Variants in MED13L observed in about 807,000 individuals in gnomAD.
The protein encoded by MED13L is mediator complex subunit 13L.
MED13L carries 7 observed loss-of-function variants against 220.9 expected under a neutral mutation model. That is an observed-to-expected ratio of 0.03 (90% CI 0.02 to 0.06). MED13L has a LOEUF of 0.06. MED13L is among the 10% of genes least tolerant of loss of function. MED13L has a pLI of 1.00. For synonymous variants in MED13L, 1,011 were observed against 1,015.2 expected, an observed-to-expected ratio of 1.00 and a Z score of 0.08; for missense variants, 1,965 against 2,760.5, an observed-to-expected ratio of 0.71 and a Z score of 6.46.
intron 4 of MED13L, among the ~76,000 whole-genome samples, chr12:116,076,149 G>A (rs997005372): frequency 9.2e-5 from 14 of 151,994 alleles, no homozygotes; most frequent in African/African-American, 3.1e-4. Flanking sequence ...TCCTGACCTC[G>A]TGATCCGCCC....
chr12:116,139,709 G>C (rs1876888541), intron 2 of MED13L, among the ~76,000 whole-genome samples: 1 of 151,998 alleles, frequency 6.6e-6, no homozygotes, highest in South Asian at 2.1e-4. Context: ...ATATTTGCTG[G>C]ATAGGCCGCG....
chr12:116,132,414 A>T (rs2138009286), intron 2 of MED13L, among the ~76,000 whole-genome samples: 1 of 152,172 alleles, frequency 6.6e-6, no homozygotes, highest in Admixed American at 6.5e-5. Context: ...CAGCAACTCT[A>T]CTGTAATACC....
chr12:116,040,982 C>A (rs1881491103), intron 4 of MED13L, among the ~76,000 whole-genome samples: 1 of 152,098 alleles, frequency 6.6e-6, no homozygotes, highest in Non-Finnish European at 1.5e-5. Context: ...CCCATTTCCC[C>A]TAAAAACTAT....
chr12:116,001,108 C>A (rs1300590470), intron 14 of MED13L, among the ~76,000 whole-genome samples: 1 of 151,952 alleles, frequency 6.6e-6, no homozygotes, highest in African/African-American at 2.4e-5. Context: ...TTTTAAATAG[C>A]CACTAGAAAA....
chr12:116,181,311 C>A (rs1021629357), intron 2 of MED13L: 3 of 151,742 alleles, frequency 2.0e-5, no homozygotes, highest in Non-Finnish European at 2.9e-5. Flanking sequence ...AAAAAGTCGG[C>A]AATCCAAGTT....
intron 4 of MED13L, among the ~76,000 whole-genome samples, chr12:116,034,936 C>T (rs745308262): frequency 3.3e-5 from 5 of 152,068 alleles, no homozygotes; most frequent in Admixed American, 6.6e-5. Flanking sequence ...ACCTGGGAGG[C>T]GGAGGTTGCA....
chr12:116,069,538 C>G (rs903613528), intron 4 of MED13L, among the ~76,000 whole-genome samples: 1 of 152,112 alleles, frequency 6.6e-6, no homozygotes, highest in African/African-American at 2.4e-5. Context: ...TTGGTACTGA[C>G]TTTTTAGCTA....
chr12:116,165,943 A>C (rs563507786), intron 2 of MED13L, among the ~76,000 whole-genome samples: 1 of 152,156 alleles, frequency 6.6e-6, no homozygotes, highest in Non-Finnish European at 1.5e-5. Context: ...CGTTCCTGGA[A>C]TACAACATGC....
At chr12:116,010,418 G>C (rs1248971445) in intron 9 of MED13L, among the ~76,000 whole-genome samples, 1 of 152,100 alleles carries the variant, frequency 6.6e-6, no homozygotes, top group African/African-American at 2.4e-5. Context: ...CTAGTTCTTT[G>C]AGAGACACTT....
At chr12:116,253,657 A>G (rs1871767634) in intron 1 of MED13L, among the ~76,000 whole-genome samples, 1 of 151,920 alleles carries the variant, frequency 6.6e-6, no homozygotes. Context: ...CCATCAGTAT[A>G]ATTCACCATA....
rs966579813 is a variant in MED13L at position 115,961,416 on chromosome 12, C to A, written c.6501-18G>T. ...AAACAAACCTGCCAAAGAGAACACA[C>A]AGAGCAGGGGCGTGAGCCTCAAGAG... On this transcript the variant is annotated intron_variant, in intron 30 of 30. Coordinates refer to ENST00000281928, the MANE Select transcript of MED13L (RefSeq NM_015335.5). The A allele has an allele frequency of 6.2e-7, 1 of 1,613,080 alleles. No homozygotes were observed. The highest frequency in any genetic ancestry group is 8.5e-7 in the Non-Finnish European group (1 of 1,179,988).
At chr12:116,041,883 G>C (rs954173261) in intron 4 of MED13L, among the ~76,000 whole-genome samples, 1 of 152,110 alleles carries the variant, frequency 6.6e-6, no homozygotes, top group Non-Finnish European at 1.5e-5. Context: ...TCAAAGGAGA[G>C]TGACCAAAAG....
intron 2 of MED13L, among the ~76,000 whole-genome samples, chr12:116,189,505 G>C (rs902855461): frequency 6.6e-6 from 1 of 151,972 alleles, no homozygotes; most frequent in Non-Finnish European, 1.5e-5. Context: ...TTTAAATTTT[G>C]ATAAAGTCCA....
chr12:116,221,704 T>C (rs17580682), intron 2 of MED13L, among the ~76,000 whole-genome samples: 9,455 of 152,276 alleles, frequency 0.062, 373 homozygotes, highest in African/African-American at 0.1. Context: ...TCATGCAGCA[T>C]GAATCTGGAA....
intron 30 of MED13L, chr12:115,962,849 G>A (rs1215815876): frequency 4.1e-5 from 7 of 168,840 alleles, no homozygotes; most frequent in East Asian, 1.5e-4. Flanking sequence ...GTGAAATCCC[G>A]TCTCTACTAA....
intron 4 of MED13L, among the ~76,000 whole-genome samples, chr12:116,084,014 AG>A (rs1871418607): frequency 6.6e-6 from 1 of 152,238 alleles, no homozygotes; most frequent in Non-Finnish European, 1.5e-5. Flanking sequence ...AGCAAGTCAA[AG>A]CACAAATACA....
At chr12:116,183,777 G>A (rs762706701) in intron 2 of MED13L, among the ~76,000 whole-genome samples, 10 of 151,094 alleles carry the variant, frequency 6.6e-5, no homozygotes, top group Non-Finnish European at 1.5e-4. Flanking sequence ...ATTTCCCTGA[G>A]TCATAAATTC....
rs1876886202 is a variant in MED13L, at chr12:115,975,665, C to T, written c.5438G>A (p.Gly1813Glu). 6.2e-7 allele frequency: 1 copy of T among 1,614,062 alleles called. No individual in the cohort carries two copies. Among genetic ancestry groups the T allele is most frequent in the East Asian group, 2.2e-5 (1 of 44,864 alleles). Residue 1813 changes from glycine (G) to glutamate (E), a missense_variant, in exon 24 of 31, where the codon GGA (glycine) becomes GAA (glutamate). Transcript: ENST00000281928. Reference sequence around the variant, plus strand: ...CTGGCTCGCCTCACCAAACGTCTCTCCCAGCTCTGTCTGCTTGTCTTTGAT... The same window carrying T: ...CTGGCTCGCCTCACCAAACGTCTCTTCCAGCTCTGTCTGCTTGTCTTTGAT... ...APIKDKQTELGETFGEASQKY... is the reference protein window; with the variant it reads ...APIKDKQTELEETFGEASQKY...
At chr12:115,993,038 A>G (rs1878167567) in intron 16 of MED13L, among the ~76,000 whole-genome samples, 2 of 152,218 alleles carry the variant, frequency 1.3e-5, no homozygotes, top group South Asian at 4.1e-4. Context: ...AAATCAAAAC[A>G]GTAAAGTACA....
Sources: allele counts gnomAD v4.1 joint callset (sites outside exome capture counted in the v4.1 genomes callset), GRCh38; gene constraint gnomAD v4.1.1; transcripts MANE v1.5; gene names NCBI Gene and HGNC (gene_info 2026-07-23, HGNC 2026-07-21).